Variants in PLEKHG7 observed in about 807,000 individuals in gnomAD.
PLEKHG7 encodes the protein pleckstrin homology and RhoGEF domain containing G7.
Under a neutral mutation model 85.2 loss-of-function variants are expected in PLEKHG7, and 77 were observed. That is an observed-to-expected ratio of 0.90 (90% CI 0.75 to 1.09). The LOEUF (loss-of-function observed/expected upper bound fraction) is 1.09. PLEKHG7 is among the 50% of genes least tolerant of loss of function. The pLI, the probability that PLEKHG7 is intolerant of heterozygous loss-of-function variation, is 0.00. For synonymous variants in PLEKHG7, 301 were observed against 302.4 expected (o/e 1.00, Z 0.05); for missense variants, 777 against 804.3 (o/e 0.97, Z 0.41).
chr12:92,707,671 AG>A lies in PLEKHG7; in HGVS notation c.530+1del. Reference sequence around the variant, plus strand: ...TCAGGGAGAAGAATTGCACCCATCCAGGTGTGTATGCATTTATTTTCTCCGG... The same window carrying A: ...TCAGGGAGAAGAATTGCACCCATCCAGTGTGTATGCATTTATTTTCTCCGG... The part of the protein sequence containing the change: ...SPQGEELHPS[R>X]FYEHRRSSVV... On this transcript the variant is annotated frameshift_variant and splice_region_variant, in exon 3 of 17. Coordinates refer to ENST00000344636, the MANE Select transcript of PLEKHG7 (RefSeq NM_001377329.1). LOFTEE classifies it high-confidence loss of function. 1.2e-6 allele frequency: 2 copies of A among 1,613,976 alleles called. No individual in the cohort carries two copies. Among genetic ancestry groups the A allele is most frequent in the Non-Finnish European group, 1.7e-6 (2 of 1,179,924 alleles).
chr12:92,743,622 C>G (rs1043924723), intron 9 of PLEKHG7, among the ~76,000 whole-genome samples: 1 of 152,110 alleles, frequency 6.6e-6, no homozygotes, highest in African/African-American at 2.4e-5. Context: ...TGCGGTGGCA[C>G]GATCTCAGCT....
chr12:92,740,946 C>T lies in PLEKHG7; in HGVS notation c.1033C>T (p.Gln345Ter), dbSNP rs768359628. The T allele has an allele frequency of 1.1e-5, 18 of 1,593,346 alleles. No homozygotes were observed. In the South Asian group the frequency reaches 1.8e-4, roughly 16 times the overall value. The change falls in exon 8 of 17, where the codon CAG becomes TAG. Residue 345 changes from glutamine (Q) to a stop codon, truncating the protein, a stop_gained and splice_region_variant. Coordinates refer to ENST00000344636, the MANE Select transcript of PLEKHG7 (RefSeq NM_001377329.1). LOFTEE classifies it high-confidence loss of function. ...TTTTGCAAACCTGGAGGAGTTAACT[C>T]AGGTGAGCCAAGTAGGAAGATTCAT... Reference protein sequence around the residue: ...RLFANLEELTQTSLGFVNSLF... With the variant: ...RLFANLEELT
chr12:92,707,730 AT>A (rs2136568543), intron 3 of PLEKHG7, 58 bp downstream of exon 3: 1 of 1,611,630 alleles, frequency 6.2e-7, no homozygotes, highest in South Asian at 1.1e-5. Context: ...TTACTATTAG[AT>A]TTTTATTTCT....
At chr12:92,756,768 C>T (rs950638185) in intron 13 of PLEKHG7, among the ~76,000 whole-genome samples, 4 of 152,188 alleles carry the variant, frequency 2.6e-5, no homozygotes, top group Non-Finnish European at 5.9e-5. Context: ...TTTATGGAGA[C>T]TCTATTATAT....
At chr12:92,712,666 A>G (rs1871386786) in intron 3 of PLEKHG7, among the ~76,000 whole-genome samples, 1 of 152,058 alleles carries the variant, frequency 6.6e-6, no homozygotes, top group Non-Finnish European at 1.5e-5. Flanking sequence ...TTTTCTAGCT[A>G]GAGGTAGCTC....
rs11106679 is a variant in PLEKHG7, at chr12:92,705,090, G to A, written c.-161-1381G>A. On this transcript the variant is annotated intron_variant, in intron 1 of 16. Coordinates refer to ENST00000344636, the MANE Select transcript of PLEKHG7 (RefSeq NM_001377329.1). The stretch of plus-strand genomic sequence containing the variant: ...CACAGATTAAAAGAAACAAAGAGGA[G>A]AGAGTGGTTGCCATAGGCAAGTACA... Among the ~76,000 whole-genome samples, 268 of 152,350 alleles carry A rather than the reference G, an allele frequency of 1.8e-3. 2 individuals carry two copies. The highest frequency in any genetic ancestry group is 6.3e-3 in the African/African-American group (263 of 41,580).
At chr12:92,767,647 A>C (rs1036764471) in intron 15 of PLEKHG7, among the ~76,000 whole-genome samples, 6 of 152,204 alleles carry the variant, frequency 3.9e-5, no homozygotes, top group Non-Finnish European at 8.8e-5. Flanking sequence ...TTATGAGTAT[A>C]ATCTGTGATA....
At chr12:92,708,854 A>G (rs1446724919) in intron 3 of PLEKHG7, among the ~76,000 whole-genome samples, 1 of 152,190 alleles carries the variant, frequency 6.6e-6, no homozygotes, top group Non-Finnish European at 1.5e-5. Context: ...ACAGTGGGAG[A>G]GCATTGAAAT....
At chr12:92,755,677 C>A in intron 11 of PLEKHG7, 148 bp from the exon 12 acceptor site, 2 of 633,030 alleles carry the variant, frequency 3.2e-6, no homozygotes, top group South Asian at 2.1e-5. Flanking sequence ...GACGCATGAA[C>A]AGCAAGCAAT....
At chr12:92,756,468 C>A (rs968101192) in intron 13 of PLEKHG7, 77 bp downstream of exon 13, 1 of 1,138,380 alleles carries the variant, frequency 8.8e-7, no homozygotes, top group Non-Finnish European at 1.3e-6. Context: ...AATTGAAGAG[C>A]AGGAGGACTT....
rs895268539 is a variant in PLEKHG7 at position 92,764,176 on chromosome 12, G to A, written c.1852G>A (p.Glu618Lys). ...PLDRLVVKSI[E>K]PLHVSVFGLR... The stretch of plus-strand genomic sequence containing the variant: ...AGATAGATTGGTAGTCAAAAGTATT[G>A]AACCACTCCATGTGTCAGGTATGTG... Residue 618 changes from glutamate (E) to lysine (K), a missense_variant, in exon 15 of 17, where the codon GAA becomes AAA. By Grantham distance (56) the Glu-to-Lys change is moderately conservative. This residue lies in a region of PLEKHG7 where 520 missense variants were observed against 544.0 expected (regional missense o/e 0.96). Coordinates refer to ENST00000344636, the MANE Select transcript of PLEKHG7 (RefSeq NM_001377329.1). 1.2e-6 allele frequency: 2 copies of A among 1,606,130 alleles called. No individual in the cohort carries two copies.
chr12:92,757,700 C>A, intron 13 of PLEKHG7, among the ~76,000 whole-genome samples: 1 of 152,102 alleles, frequency 6.6e-6, no homozygotes, highest in East Asian at 1.9e-4. Context: ...CCAAGTTCAC[C>A]TGGTGGGTAA....
chr12:92,746,880 A>G (rs1019773789), intron 10 of PLEKHG7, among the ~76,000 whole-genome samples: 1 of 152,224 alleles, frequency 6.6e-6, no homozygotes, highest in African/African-American at 2.4e-5. Flanking sequence ...AAAATCAAAT[A>G]AAAATGAATT....
intron 10 of PLEKHG7, among the ~76,000 whole-genome samples, chr12:92,750,385 T>G (rs1362815394): frequency 1.3e-5 from 2 of 152,222 alleles, no homozygotes; most frequent in Admixed American, 6.5e-5. Flanking sequence ...TTTTGTCTCT[T>G]CTGAAGTTTT....
chr12:92,754,237 A>G lies in PLEKHG7; in HGVS notation c.1399A>G (p.Ile467Val). The change falls in exon 11 of 17, where the codon ATC (isoleucine) becomes GTC (valine). Residue 467 changes from isoleucine to valine, a missense_variant. By Grantham distance (29) the Ile-to-Val change is conservative. Around this residue, in one of 3 missense-constraint regions of PLEKHG7, gnomAD observed 520 missense variants for 544.0 expected, o/e 0.96. Coordinates refer to ENST00000344636, the MANE Select transcript of PLEKHG7 (RefSeq NM_001377329.1). ...TGCTGAGAAAATCATGATCTACTCC[A>G]TCAAGGAAAAGGTGGAAAAGTCCAT... ...DSAEKIMIYS[I>V]KEKVEKSIRD... The G allele has an allele frequency of 6.2e-7, 1 of 1,614,004 alleles. No individual in the cohort carries two copies. The highest frequency in any genetic ancestry group is 8.5e-7 in the Non-Finnish European group (1 of 1,179,936).
intron 13 of PLEKHG7, 117 bp from the exon 14 acceptor site, chr12:92,761,619 GAAAGAAGAAAGAAAGA>G (rs1257857158): frequency 4.3e-5 from 43 of 993,364 alleles, no homozygotes; most frequent in African/African-American, 1.3e-4. Flanking sequence ...AAGAAAGAAA[GAAAGAAGAAAGAAAGA>G]AAGAAAGAAA....
intron 3 of PLEKHG7, among the ~76,000 whole-genome samples, chr12:92,716,150 G>A (rs920654948): frequency 1.3e-5 from 2 of 152,096 alleles, no homozygotes; most frequent in African/African-American, 4.8e-5. Context: ...AGGCTGGAGT[G>A]CATTGGTACA....
chr12:92,759,819 G>A (rs565722111), intron 13 of PLEKHG7, among the ~76,000 whole-genome samples: 2 of 152,294 alleles, frequency 1.3e-5, no homozygotes, highest in East Asian at 3.9e-4. Context: ...CTGTTCACAG[G>A]TCTAGTGCTG....
chr12:92,771,136 T>C lies in PLEKHG7; in HGVS notation c.*941T>C, dbSNP rs1370433779. 2 of 152,086 alleles carry C rather than the reference T, an allele frequency of 1.3e-5. No homozygotes were observed. Among genetic ancestry groups the C allele is most frequent in the African/African-American group, 2.4e-5 (1 of 41,438 alleles). 9.4% of individuals were successfully genotyped at this position (152,086 alleles called of 1,614,324 possible). ...TCATGGCAGGATATATACTATTAACTACATTCAAGGAACTAGTTCTTAGGG... is the reference window on the plus strand; with the variant it reads ...TCATGGCAGGATATATACTATTAACCACATTCAAGGAACTAGTTCTTAGGG... On this transcript the variant is annotated 3_prime_UTR_variant, in exon 17 of 17. Transcript: ENST00000344636.
Sources: allele counts gnomAD v4.1 joint callset (sites outside exome capture counted in the v4.1 genomes callset), GRCh38; gene constraint gnomAD v4.1.1; regional missense constraint gnomAD v4.1.1; transcripts MANE v1.5; gene names NCBI Gene and HGNC (gene_info 2026-07-23, HGNC 2026-07-21).